ARHGAP26: variants seen among roughly 807,000 people sequenced by gnomAD.
ARHGAP26 encodes rho GTPase-activating protein 26.
Under a neutral mutation model 104.8 loss-of-function variants are expected in ARHGAP26, and 38 were observed. The observed-to-expected ratio is 0.36, with a 90% CI of 0.28 to 0.48. ARHGAP26 has a LOEUF of 0.48. Among genes scored for constraint, ARHGAP26 ranks in the 20% least tolerant of loss-of-function variants. The pLI, the probability that ARHGAP26 is intolerant of heterozygous loss-of-function variation, is 0.99. For missense variants in ARHGAP26, 704 were observed against 947.9 expected (o/e 0.74, Z 3.38); for synonymous variants, 341 against 340.0 (o/e 1.00, Z -0.03).
At chr5:143,050,823 T>C (rs57064748) in intron 14 of ARHGAP26, among the ~76,000 whole-genome samples, 6,566 of 152,226 alleles carry the variant, frequency 0.043, 395 homozygotes, top group African/African-American at 0.14. Context: ...GAGCTAGCAA[T>C]ACGGCTACTA....
intron 14 of ARHGAP26, among the ~76,000 whole-genome samples, chr5:143,049,053 T>C (rs1271913496): frequency 6.6e-6 from 1 of 152,056 alleles, no homozygotes; most frequent in Non-Finnish European, 1.5e-5. Flanking sequence ...ATATAATGAG[T>C]CATCTTACCC....
At chr5:142,881,993 G>A (rs534549512) in intron 4 of ARHGAP26, among the ~76,000 whole-genome samples, 130 of 152,298 alleles carry the variant, frequency 8.5e-4, no homozygotes, top group African/African-American at 2.9e-3. Context: ...AGTAGGGCAC[G>A]ACCCCTGGTG....
chr5:143,170,988 A>G (rs1278021432), intron 20 of ARHGAP26, among the ~76,000 whole-genome samples: 3 of 152,212 alleles, frequency 2.0e-5, no homozygotes, highest in Non-Finnish European at 2.9e-5. Flanking sequence ...ATGAGTACCT[A>G]AAAACAGAGG....
intron 17 of ARHGAP26, among the ~76,000 whole-genome samples, chr5:143,076,033 T>C (rs1428380481): frequency 6.6e-6 from 1 of 152,062 alleles, no homozygotes; most frequent in Non-Finnish European, 1.5e-5. Flanking sequence ...AAGCTCTCAC[T>C]CTGTCACCCA....
intron 1 of ARHGAP26, among the ~76,000 whole-genome samples, chr5:142,858,898 CAG>C (rs1350322099): frequency 2.6e-5 from 4 of 152,116 alleles, no homozygotes; most frequent in East Asian, 1.9e-4. Context: ...GGTGGGGAGA[CAG>C]GGGAGTGTTT....
intron 1 of ARHGAP26, among the ~76,000 whole-genome samples, chr5:142,844,088 AT>A (rs1474313723): frequency 7.3e-6 from 1 of 136,610 alleles, no homozygotes; most frequent in East Asian, 2.0e-4. Context: ...GTCTTGCTCT[AT>A]TCCCCAGGCT....
chr5:142,976,576 A>G (rs1027464880), intron 11 of ARHGAP26, among the ~76,000 whole-genome samples: 8 of 152,226 alleles, frequency 5.3e-5, no homozygotes, highest in Non-Finnish European at 8.8e-5. Flanking sequence ...TATAAATTCA[A>G]TGAATAAAAG....
At chr5:142,943,934 A>G (rs1028128547) in intron 11 of ARHGAP26, among the ~76,000 whole-genome samples, 1 of 152,038 alleles carries the variant, frequency 6.6e-6, no homozygotes, top group Non-Finnish European at 1.5e-5. Flanking sequence ...AACCTTCTTA[A>G]TTTGCTTGAA....
intron 1 of ARHGAP26, among the ~76,000 whole-genome samples, chr5:142,828,693 G>A (rs1282130266): frequency 1.3e-5 from 2 of 152,210 alleles, no homozygotes; most frequent in East Asian, 3.8e-4. Context: ...CGGTTGCTGT[G>A]ACTGGGGTAG....
At chr5:142,943,731 G>A (rs1254001232) in intron 11 of ARHGAP26, among the ~76,000 whole-genome samples, 1 of 152,018 alleles carries the variant, frequency 6.6e-6, no homozygotes, top group Non-Finnish European at 1.5e-5. Context: ...TAGCACAAAA[G>A]CCCCTTTGAT....
intron 5 of ARHGAP26, among the ~76,000 whole-genome samples, chr5:142,887,689 A>G (rs1204516427): frequency 1.3e-5 from 2 of 152,230 alleles, no homozygotes; most frequent in African/African-American, 2.4e-5. Flanking sequence ...GTCAGTTCTC[A>G]GGCATTGCTT....
At chr5:143,051,548 G>A (rs923517623) in intron 14 of ARHGAP26, among the ~76,000 whole-genome samples, 38 of 152,200 alleles carry the variant, frequency 2.5e-4, no homozygotes, top group African/African-American at 8.4e-4. Flanking sequence ...TTGTAAGTGA[G>A]GGGAGCATCA....
At chr5:143,016,036 C>T (rs1466757702) in intron 12 of ARHGAP26, among the ~76,000 whole-genome samples, 2 of 152,090 alleles carry the variant, frequency 1.3e-5, no homozygotes, top group Non-Finnish European at 2.9e-5. Flanking sequence ...GTGATAATAG[C>T]AAAGAATGAG....
chr5:142,921,172 ATTC>A (rs571521418), intron 10 of ARHGAP26, among the ~76,000 whole-genome samples: 170 of 152,312 alleles, frequency 1.1e-3, no homozygotes, highest in South Asian at 9.1e-3. Context: ...TGTCAACTCT[ATTC>A]TTCTTCTTCC....
intron 9 of ARHGAP26, among the ~76,000 whole-genome samples, chr5:142,909,342 T>A (rs1227996931): frequency 7.2e-5 from 11 of 152,240 alleles, no homozygotes. Flanking sequence ...TACATTTTTA[T>A]GCAACATGTT....
At chr5:142,932,149 G>C in intron 11 of ARHGAP26, 24 bp downstream of exon 11, 2 of 1,608,780 alleles carry the variant, frequency 1.2e-6, no homozygotes, top group Non-Finnish European at 1.7e-6. Flanking sequence ...CAGGGAAGTA[G>C]AGCAAGAATG....
chr5:143,023,429 G>A (rs1200041237), intron 12 of ARHGAP26, among the ~76,000 whole-genome samples: 3 of 152,164 alleles, frequency 2.0e-5, no homozygotes, highest in Non-Finnish European at 2.9e-5. Flanking sequence ...TGATGGGATC[G>A]CCTGGGCCAC....
intron 1 of ARHGAP26, chr5:142,860,136 A>G (rs546081821): frequency 1.3e-5 from 2 of 152,298 alleles, no homozygotes; most frequent in South Asian, 4.1e-4. Flanking sequence ...CTGCGCACAC[A>G]TGCTCCACTG....
intron 21 of ARHGAP26, among the ~76,000 whole-genome samples, chr5:143,211,555 T>A (rs1486783090): frequency 6.6e-6 from 1 of 150,986 alleles, no homozygotes; most frequent in Non-Finnish European, 1.5e-5. Context: ...CTTGGCTTGC[T>A]TATTTATTTA....
Sources: allele counts gnomAD v4.1 joint callset (sites outside exome capture counted in the v4.1 genomes callset), GRCh38; gene constraint gnomAD v4.1.1; transcripts MANE v1.5; gene names NCBI Gene and HGNC (gene_info 2026-07-23, HGNC 2026-07-21).